The following GNA14 variants were observed in gnomAD, a reference collection of about 807,000 sequenced individuals.
GNA14 encodes G protein subunit alpha 14.
In GNA14, 50 loss-of-function variants were observed where a neutral mutation model predicts 42.0. That is an observed-to-expected ratio of 1.19 (90% CI 0.95 to 1.51). The LOEUF is 1.51. GNA14 is among the 40% of genes most tolerant of loss of function. The pLI is 0.00. For missense variants in GNA14, 473 were observed against 446.2 expected, an observed-to-expected ratio of 1.06 and a Z score of -0.54; for synonymous variants, 173 against 163.1, an observed-to-expected ratio of 1.06 and a Z score of -0.46.
intron 2 of GNA14, among the ~76,000 whole-genome samples, chr9:77,503,360 G>C (rs889786665): frequency 3.3e-5 from 5 of 152,184 alleles, no homozygotes; most frequent in Admixed American, 1.3e-4. Flanking sequence ...AAAAGGTAAA[G>C]ATCCTAGATG....
At chr9:77,472,430 T>G (rs892952667) in intron 2 of GNA14, among the ~76,000 whole-genome samples, 1 of 152,096 alleles carries the variant, frequency 6.6e-6, no homozygotes, top group African/African-American at 2.4e-5. Context: ...GCCAGGACAA[T>G]TAGGCAATAA....
At chr9:77,584,023 GGTCT>G (rs2117866280) in intron 1 of GNA14, among the ~76,000 whole-genome samples, 1 of 152,208 alleles carries the variant, frequency 6.6e-6, no homozygotes, top group African/African-American at 2.4e-5. Context: ...AACCTCACTT[GGTCT>G]GTCAGATGAC....
At chr9:77,562,268 A>C (rs1481563041) in intron 1 of GNA14, among the ~76,000 whole-genome samples, 1 of 152,170 alleles carries the variant, frequency 6.6e-6, no homozygotes, top group African/African-American at 2.4e-5. Context: ...AGTGCTATGG[A>C]AAGTCTGGGG....
rs2377909 is a variant in GNA14 at position 77,428,499 on chromosome 9, T to A, written c.723+408A>T. On this transcript the variant is annotated intron_variant, in intron 5 of 6. Coordinates refer to ENST00000341700, the MANE Select transcript of GNA14 (RefSeq NM_004297.4). ...CAGTGGATTCACCTGGGGTGCTTTTTAAAAATCCCCCCACTCAGGCCCCAT... is the reference window on the plus strand; with the variant it reads ...CAGTGGATTCACCTGGGGTGCTTTTAAAAAATCCCCCCACTCAGGCCCCAT... Among the ~76,000 whole-genome samples, 604 of 152,182 alleles carry A rather than the reference T, an allele frequency of 4.0e-3. 4 individuals carry two copies. The highest frequency in any genetic ancestry group is 0.014 in the African/African-American group (568 of 41,530).
chr9:77,500,960 C>CTT (rs796216032), intron 2 of GNA14, among the ~76,000 whole-genome samples: 1 of 146,338 alleles, frequency 6.8e-6, no homozygotes. Flanking sequence ...TAGTTGAACT[C>CTT]TTTTTTTTTT....
chr9:77,534,366 C>G (rs551414377), intron 1 of GNA14, among the ~76,000 whole-genome samples: 1 of 152,242 alleles, frequency 6.6e-6, no homozygotes, highest in East Asian at 1.9e-4. Context: ...GTACAAAAGG[C>G]CTTTAGGAGC....
chr9:77,532,828 C>G (rs62573381), intron 1 of GNA14, among the ~76,000 whole-genome samples: 11,444 of 152,126 alleles, frequency 0.075, 549 homozygotes, highest in Non-Finnish European at 0.11. Flanking sequence ...GCAGCCTGAA[C>G]GGCTACACAC....
rs780024984 is a variant in GNA14 at position 77,424,098 on chromosome 9, CTT to C, written c.947_948del (p.Lys316ArgfsTer81). The C allele has an allele frequency of 3.4e-5, 55 of 1,612,782 alleles. No individual in the cohort carries two copies. The highest frequency in any genetic ancestry group is 1.0e-5 in the Non-Finnish European group (12 of 1,179,202). ...GTGAAGTGAGAGTAGATGACTTTCT[CTT>C]TGTCAGGATTCTGATCTTGGTAAAG... The part of the protein sequence containing the change: ...LKLYQDQNPD[K>X]EKVIYSHFTC... On this transcript the variant is annotated frameshift_variant, in exon 7 of 7. Transcript: ENST00000341700. LOFTEE classifies it high-confidence loss of function.
At chr9:77,573,531 A>G (rs540370668) in intron 1 of GNA14, among the ~76,000 whole-genome samples, 8 of 152,290 alleles carry the variant, frequency 5.3e-5, no homozygotes, top group African/African-American at 9.6e-5. Flanking sequence ...CTAGGACACA[A>G]CTGATCTGCG....
At chr9:77,428,787 T>G in intron 5 of GNA14, 120 bp downstream of exon 5, 1 of 989,396 alleles carries the variant, frequency 1.0e-6, no homozygotes, top group Non-Finnish European at 1.5e-6. Flanking sequence ...AGGTCACACT[T>G]TGAGTAGCAA....
At chr9:77,433,956 T>G (rs1277736076) in intron 3 of GNA14, among the ~76,000 whole-genome samples, 2 of 152,128 alleles carry the variant, frequency 1.3e-5, no homozygotes, top group Non-Finnish European at 2.9e-5. Context: ...CCTGCTGTCT[T>G]CTGATGGGGA....
At chr9:77,603,241 G>C (rs1356984410) in intron 1 of GNA14, among the ~76,000 whole-genome samples, 1 of 152,138 alleles carries the variant, frequency 6.6e-6, no homozygotes, top group African/African-American at 2.4e-5. Context: ...CATTGTGATA[G>C]CTTTTGTGTG....
At chr9:77,641,098 GGGGAAGGAAGGAAGGAAGGAA>G (rs1564073569) in intron 1 of GNA14, among the ~76,000 whole-genome samples, 7 of 17,664 alleles carry the variant, frequency 4.0e-4, no homozygotes, top group Non-Finnish European at 1.6e-4. Flanking sequence ...AGGGGAGGGG[GGGGAAGGAAGGAAGGAAGGAA>G]GGAAGGAAGG....
At chr9:77,638,283 G>C (rs1305062414) in intron 1 of GNA14, among the ~76,000 whole-genome samples, 1 of 152,124 alleles carries the variant, frequency 6.6e-6, no homozygotes. Context: ...ATCTATTTGG[G>C]GGCAGACAAG....
intron 2 of GNA14, among the ~76,000 whole-genome samples, chr9:77,439,853 C>T (rs919932298): frequency 6.6e-6 from 1 of 151,936 alleles, no homozygotes; most frequent in Non-Finnish European, 1.5e-5. Flanking sequence ...GACAAAGAGT[C>T]GGAAGAGGAC....
At chr9:77,494,560 CTTTG>C (rs995275334) in intron 2 of GNA14, among the ~76,000 whole-genome samples, 3 of 152,116 alleles carry the variant, frequency 2.0e-5, no homozygotes, top group Non-Finnish European at 4.4e-5. Flanking sequence ...ACCAGTTTGA[CTTTG>C]TTTAACACTG....
intron 2 of GNA14, among the ~76,000 whole-genome samples, chr9:77,480,692 T>G (rs1836533894): frequency 6.6e-6 from 1 of 152,210 alleles, no homozygotes; most frequent in African/African-American, 2.4e-5. Context: ...TTTTTTTGGT[T>G]GGTAAGCTAT....
At chr9:77,481,582 G>A (rs1836553293) in intron 2 of GNA14, among the ~76,000 whole-genome samples, 1 of 152,162 alleles carries the variant, frequency 6.6e-6, no homozygotes, top group African/African-American at 2.4e-5. Context: ...GTGCAGAGGT[G>A]AGTTCAATTC....
intron 1 of GNA14, among the ~76,000 whole-genome samples, chr9:77,582,630 C>T (rs1823242711): frequency 6.6e-6 from 1 of 152,310 alleles, no homozygotes; most frequent in South Asian, 2.1e-4. Context: ...TCAAACACAA[C>T]CCCCTTCACT....
Sources: allele counts gnomAD v4.1 joint callset (sites outside exome capture counted in the v4.1 genomes callset), GRCh38; gene constraint gnomAD v4.1.1; transcripts MANE v1.5; gene names NCBI Gene and HGNC (gene_info 2026-07-23, HGNC 2026-07-21).